JAK2: variants seen among roughly 807,000 people sequenced by gnomAD.
JAK2 encodes the protein Janus kinase 2.
JAK2 carries 86 observed loss-of-function variants against 139.3 expected under a neutral mutation model. The observed-to-expected ratio is 0.62, with a 90% CI of 0.52 to 0.74. The LOEUF is 0.74. Ranked by LOEUF, JAK2 falls within the 30% of genes least tolerant of loss-of-function variation. The pLI, the probability that JAK2 is intolerant of heterozygous loss-of-function variation, is 0.00. For missense variants in JAK2, 1,421 were observed against 1,360.3 expected, an observed-to-expected ratio of 1.04 and a Z score of -0.70; for synonymous variants, 490 against 437.7, an observed-to-expected ratio of 1.12 and a Z score of -1.49.
intron 22 of JAK2, chr9:5,114,188 G>GCCGT: frequency 2.2e-6 from 1 of 458,248 alleles, no homozygotes; most frequent in South Asian, 1.9e-5. Context: ...CGCAAGGGGT[G>GCCGT]AGCACCTACC....
chr9:5,034,281 C>A (rs971488761), intron 4 of JAK2, among the ~76,000 whole-genome samples: 18 of 152,086 alleles, frequency 1.2e-4, no homozygotes, highest in Non-Finnish European at 1.5e-5. Flanking sequence ...GACTTCCACA[C>A]AATAATAATG....
At chr9:5,018,735 A>C (rs1822226837) in intron 2 of JAK2, among the ~76,000 whole-genome samples, 1 of 152,174 alleles carries the variant, frequency 6.6e-6, no homozygotes, top group Admixed American at 6.5e-5. Flanking sequence ...TGCTTGCCTC[A>C]GAAAAACTAT....
chr9:4,984,919 C>T (rs1819854220), upstream of JAK2: 1 of 152,386 alleles, frequency 6.6e-6, no homozygotes, highest in Non-Finnish European at 1.5e-5. Context: ...CGCTCACGCC[C>T]AGGGGCCGTC....
In JAK2 at chr9:5,007,193, T is replaced by G. The variant is rs148603227; in HGVS notation, c.-25-14770T>G. Among the ~76,000 whole-genome samples, 336 of 152,284 alleles carry G rather than the reference T, an allele frequency of 2.2e-3. 1 individual carries two copies. Among genetic ancestry groups the G allele is most frequent in the African/African-American group, 7.5e-3 (312 of 41,580 alleles). ...GTTGCAACTTCTTGAAATGAAAATT[T>G]ATTTAATAACATTGTTCAGCCTTTC... On this transcript the variant is annotated intron_variant, in intron 2 of 24. Transcript: ENST00000381652.
chr9:5,111,732 G>T (rs939514753), intron 22 of JAK2: 1 of 431,410 alleles, frequency 2.3e-6, no homozygotes, highest in Middle Eastern at 5.3e-4. Context: ...GAGCGCGTGG[G>T]CTACCGGCTG....
At position 5,078,291 on chromosome 9, in the gene JAK2, G is replaced by T. The variant is rs184076281; in HGVS notation, c.1993-15G>T. On this transcript the variant is annotated splice_polypyrimidine_tract_variant and intron_variant, in intron 15 of 24. Transcript: ENST00000381652. The stretch of plus-strand genomic sequence containing the variant: ...TGGACTGATATTTGAATATATGTGC[G>T]TTTAACTCTAATAGGAAGAAAACAC... The T allele has an allele frequency of 2.7e-5, 43 of 1,605,172 alleles. No homozygotes were observed. In the East Asian group the frequency reaches 9.2e-4, roughly 34 times the overall value.
In JAK2 at chr9:5,069,154, C is replaced by T. The variant is rs764423560; in HGVS notation, c.1459C>T (p.Arg487Cys). Residue 487 changes from arginine to cysteine, a missense_variant, in exon 11 of 25, where the codon CGC (arginine) becomes TGC (cysteine). By Grantham distance (180) the Arg-to-Cys change is radical (BLOSUM62 -3). Coordinates refer to ENST00000381652, the MANE Select transcript of JAK2 (RefSeq NM_004972.4). ...GAATTGTTACCAGATGGAAACTGTT[C>T]GCTCAGACAATATAATTTTCCAGTT... ...LLNCYQMETV[R>C]SDNIIFQFTK... The T allele has an allele frequency of 4.9e-5, 79 of 1,612,334 alleles. No individual in the cohort carries two copies. Among genetic ancestry groups the T allele is most frequent in the Non-Finnish European group, 6.2e-5 (73 of 1,179,246 alleles).
chr9:5,033,302 T>C (rs183983400), intron 4 of JAK2, among the ~76,000 whole-genome samples: 34 of 152,320 alleles, frequency 2.2e-4, no homozygotes, highest in Admixed American at 2.1e-3. Flanking sequence ...TGGAACCAAG[T>C]TGGAAAACAC....
intron 5 of JAK2, among the ~76,000 whole-genome samples, chr9:5,045,500 C>T (rs538746094): frequency 3.0e-4 from 45 of 152,268 alleles, no homozygotes; most frequent in African/African-American, 9.4e-4. Flanking sequence ...ACAACCATCA[C>T]CACCATCCAT....
intron 8 of JAK2, among the ~76,000 whole-genome samples, chr9:5,057,580 CTT>C (rs541931562): frequency 0.014 from 1,683 of 116,684 alleles, 10 homozygotes; most frequent in African/African-American, 0.037. Context: ...ATTCTACTTT[CTT>C]TTTTTTTTTT....
chr9:5,090,502 T>TATC lies in JAK2; in HGVS notation c.2819_2821dup (p.Tyr940_Leu941insHis). On this transcript the variant is annotated inframe_insertion, in exon 21 of 25. Transcript: ENST00000381652. The stretch of plus-strand genomic sequence containing the variant: ...TTTACCATATGGAAGTTTACGAGAC[T>TATC]ATCTTCAAAAACATAAAGAACGGAT... 1 of 1,592,598 alleles carries TATC rather than the reference T, an allele frequency of 6.3e-7. No homozygotes were observed. Among genetic ancestry groups the TATC allele is most frequent in the Non-Finnish European group, 8.6e-7 (1 of 1,168,986 alleles).
chr9:5,078,418 T>A lies in JAK2; in HGVS notation c.2105T>A (p.Ile702Asn). The change falls in exon 16 of 25, where the codon ATT becomes AAT. Residue 702 changes from isoleucine to asparagine, a missense_variant. Transcript: ENST00000381652. ...PPFIKLSDPG[I>N]SITVLPKDIL... ...TTCATCAAACTTAGTGATCCTGGCA[T>A]TAGTATTACAGTTTTGCCAAAGGAC... 6.2e-7 allele frequency: 1 copy of A among 1,612,972 alleles called. No individual in the cohort carries two copies. The highest frequency in any genetic ancestry group is 1.1e-5 in the South Asian group (1 of 91,008).
intron 20 of JAK2, 72 bp from the exon 21 acceptor site, chr9:5,090,374 A>ATGAT (rs1274308115): frequency 3.4e-5 from 38 of 1,108,964 alleles, no homozygotes; most frequent in Non-Finnish European, 4.4e-5. Context: ...TCATTTATGT[A>ATGAT]TGATAGTTTT....
rs772168233 is a variant in JAK2 at position 5,089,832 on chromosome 9, T to C, written c.2730T>C (p.Ile910=). 28 of 1,584,100 alleles carry C rather than the reference T, an allele frequency of 1.8e-5. No homozygotes were observed. In the South Asian group the frequency reaches 3.0e-4, roughly 17 times the overall value. The change falls in exon 20 of 25, where the codon ATT becomes ATC. Residue 910 remains isoleucine, a synonymous_variant. Transcript: ENST00000381652. ...EILKSLQHDN[I]VKYKGVCYSA... ...TGAAATCCCTACAGCATGACAACAT[T>C]GTAAAGTACAAGGGAGTGTGCTACA...
intron 22 of JAK2, chr9:5,113,746 C>T (rs1416605823): frequency 2.4e-5 from 4 of 167,694 alleles, no homozygotes; most frequent in Admixed American, 6.4e-5. Context: ...CTGGCCATTA[C>T]GCCATCACCA....
intron 2 of JAK2, among the ~76,000 whole-genome samples, chr9:5,005,378 G>A (rs1263797541): frequency 6.6e-6 from 1 of 151,740 alleles, no homozygotes; most frequent in African/African-American, 2.4e-5. Context: ...TCATATGGAT[G>A]GCTTGAAAAT....
chr9:4,998,431 A>T (rs558572679), intron 2 of JAK2, among the ~76,000 whole-genome samples: 2 of 151,874 alleles, frequency 1.3e-5, no homozygotes, highest in Non-Finnish European at 2.9e-5. Flanking sequence ...TAATTTTTGT[A>T]TTTTTAGTAG....
intron 3 of JAK2, among the ~76,000 whole-genome samples, chr9:5,022,557 G>C (rs1822498947): frequency 6.6e-6 from 1 of 152,182 alleles, no homozygotes; most frequent in Non-Finnish European, 1.5e-5. Flanking sequence ...AAAAATTAAT[G>C]TTTTGAAATA....
At chr9:5,097,514 T>G (rs1398939511) in intron 22 of JAK2, 1 of 152,200 alleles carries the variant, frequency 6.6e-6, no homozygotes, top group African/African-American at 2.4e-5. Flanking sequence ...GGGTTTATTG[T>G]ATGAGCACAC....
Sources: gnomAD v4.1 joint callset for allele counts (sites outside exome capture counted in the v4.1 genomes callset) on GRCh38, gnomAD v4.1.1 for gene constraint, MANE v1.5 for transcripts, NCBI Gene and HGNC (gene_info 2026-07-23, HGNC 2026-07-21) for gene names.